SEMA6D: variants seen among roughly 807,000 people sequenced by gnomAD.
The protein encoded by SEMA6D is semaphorin 6D.
In SEMA6D, 35 loss-of-function variants were observed where a neutral mutation model predicts 106.6. That is an observed-to-expected ratio of 0.33 (90% confidence interval 0.25 to 0.44). The LOEUF (loss-of-function observed/expected upper bound fraction) is 0.44, where lower values mean the gene tolerates loss of function less well. Ranked by LOEUF, SEMA6D falls within the 20% of genes least tolerant of loss-of-function variation. SEMA6D has a pLI of 1.00. For synonymous variants in SEMA6D, 499 were observed against 487.7 expected (o/e 1.02, Z -0.31); for missense variants, 1,185 against 1,345.9 (o/e 0.88, Z 1.87).
intron 1 of SEMA6D, among the ~76,000 whole-genome samples, chr15:47,188,350 A>T (rs1220337168): frequency 6.6e-6 from 1 of 152,176 alleles, no homozygotes; most frequent in Non-Finnish European, 1.5e-5. Flanking sequence ...TTTTATTTTA[A>T]TAACCAATAT....
intron 4 of SEMA6D, among the ~76,000 whole-genome samples, chr15:47,622,647 G>C (rs1222104242): frequency 6.6e-6 from 1 of 152,134 alleles, no homozygotes; most frequent in Admixed American, 6.6e-5. Flanking sequence ...AGGGAGAGGG[G>C]GTTGCAGGAC....
At chr15:47,692,742 T>C (rs529132231) in intron 4 of SEMA6D, among the ~76,000 whole-genome samples, 3 of 152,100 alleles carry the variant, frequency 2.0e-5, no homozygotes, top group Non-Finnish European at 4.4e-5. Flanking sequence ...TCACAACAGG[T>C]GCCAGTGACC....
chr15:47,298,332 CT>C (rs920803949), intron 1 of SEMA6D, among the ~76,000 whole-genome samples: 4,210 of 145,400 alleles, frequency 0.029, 138 homozygotes, highest in African/African-American at 0.08. Flanking sequence ...GGTTTGTTGT[CT>C]TTTTTTTTTT....
chr15:47,336,014 A>G (rs144967169), intron 1 of SEMA6D, among the ~76,000 whole-genome samples: 2 of 152,342 alleles, frequency 1.3e-5, no homozygotes, highest in African/African-American at 4.8e-5. Context: ...ATCTGATCTG[A>G]CATTGCCTGA....
chr15:47,247,467 G>A (rs1192570230), intron 1 of SEMA6D, among the ~76,000 whole-genome samples: 1 of 151,972 alleles, frequency 6.6e-6, no homozygotes, highest in East Asian at 1.9e-4. Context: ...TGGCAATCAT[G>A]CTCATAAAAA....
At chr15:47,226,172 A>G (rs1334199251) in intron 1 of SEMA6D, among the ~76,000 whole-genome samples, 1 of 152,104 alleles carries the variant, frequency 6.6e-6, no homozygotes, top group Non-Finnish European at 1.5e-5. Flanking sequence ...TGCATCTTCA[A>G]TTTGAGGAAT....
intron 1 of SEMA6D, among the ~76,000 whole-genome samples, chr15:47,246,389 A>G (rs566959804): frequency 5.0e-4 from 76 of 152,290 alleles, no homozygotes; most frequent in African/African-American, 1.6e-3. Flanking sequence ...CCTACGGTAC[A>G]GGGCTGAAGG....
Position 47,771,527 on chromosome 15 carries a change from G to A in SEMA6D, c.2964G>A (p.Leu988=), listed in dbSNP as rs150649563. The change falls in exon 19 of 19, where the codon TTG becomes TTA. Residue 988 remains leucine (L), a synonymous_variant. Coordinates refer to ENST00000536845, the MANE Select transcript of SEMA6D (RefSeq NM_001358351.3). ...ACTTAAACTCACCAAATGGTGTTTT[G>A]TTATCCAGACAGCCTAGTATGAACC... ...PKNLNSPNGV[L]LSRQPSMNRG... 297 of 1,614,070 alleles carry A rather than the reference G, an allele frequency of 1.8e-4. No individual in the cohort carries two copies. Among genetic ancestry groups the A allele is most frequent in the Admixed American group, 1.1e-3 (67 of 60,016 alleles).
intron 1 of SEMA6D, among the ~76,000 whole-genome samples, chr15:47,355,049 A>G (rs1595808101): frequency 6.6e-6 from 1 of 152,206 alleles, no homozygotes; most frequent in Non-Finnish European, 1.5e-5. Flanking sequence ...TAGTTTTTCC[A>G]TCTGGGGCAC....
At chr15:47,631,012 A>G (rs1384737194) in intron 4 of SEMA6D, among the ~76,000 whole-genome samples, 2 of 151,830 alleles carry the variant, frequency 1.3e-5, no homozygotes, top group African/African-American at 2.4e-5. Flanking sequence ...AATATTTTAT[A>G]GATTTTACAT....
Position 47,471,937 on chromosome 15 carries a change from A to T in SEMA6D, c.-87+1392A>T, listed in dbSNP as rs886417128. On this transcript the variant is annotated intron_variant, in intron 3 of 19. Coordinates refer to the SEMA6D transcript ENST00000558014. ...CTCTCTCTCTCTCTCTCTCTCACAC[A>T]CACACACACACACACACACACACAC... Among the ~76,000 whole-genome samples, 392 of 125,904 alleles carry T rather than the reference A, an allele frequency of 3.1e-3. 2 individuals carry two copies. Among genetic ancestry groups the T allele is most frequent in the African/African-American group, 9.3e-3 (258 of 27,786 alleles). 82.6% of individuals were successfully genotyped at this position (125,904 alleles called of 152,430 possible).
At chr15:47,661,909 C>A (rs1332149807) in intron 4 of SEMA6D, among the ~76,000 whole-genome samples, 1 of 152,170 alleles carries the variant, frequency 6.6e-6, no homozygotes, top group Non-Finnish European at 1.5e-5. Context: ...TTGCACAGAT[C>A]ACTGTTGAAA....
chr15:47,494,032 A>T (rs942101155), intron 3 of SEMA6D, among the ~76,000 whole-genome samples: 1 of 152,152 alleles, frequency 6.6e-6, no homozygotes, highest in Non-Finnish European at 1.5e-5. Context: ...TATGTGTCAC[A>T]TTTTCTTCAA....
intron 4 of SEMA6D, among the ~76,000 whole-genome samples, chr15:47,673,201 G>A (rs1011392661): frequency 1.3e-5 from 2 of 152,108 alleles, no homozygotes; most frequent in Non-Finnish European, 2.9e-5. Context: ...TTATTTGCAA[G>A]AGTAAAATCT....
At chr15:47,495,144 A>G (rs1342776346) in intron 3 of SEMA6D, among the ~76,000 whole-genome samples, 1 of 151,952 alleles carries the variant, frequency 6.6e-6, no homozygotes, top group Non-Finnish European at 1.5e-5. Context: ...TTTGAATAGG[A>G]AAAGAAAAAA....
chr15:47,595,506 C>T (rs1346435145), intron 3 of SEMA6D, among the ~76,000 whole-genome samples: 1 of 152,088 alleles, frequency 6.6e-6, no homozygotes, highest in Non-Finnish European at 1.5e-5. Context: ...AGGATTTTTG[C>T]ATTGATGTTC....
intron 4 of SEMA6D, among the ~76,000 whole-genome samples, chr15:47,668,338 A>G (rs930490518): frequency 2.0e-5 from 3 of 152,204 alleles, no homozygotes; most frequent in Non-Finnish European, 4.4e-5. Context: ...ACATTAAGAC[A>G]AAAAACAGTC....
intron 1 of SEMA6D, among the ~76,000 whole-genome samples, chr15:47,232,404 T>A (rs1450600906): frequency 6.6e-6 from 1 of 151,844 alleles, no homozygotes; most frequent in Non-Finnish European, 1.5e-5. Flanking sequence ...ATGTTGAAAG[T>A]TTTGAGGAAC....
chr15:47,379,114 T>C (rs1407670160), intron 1 of SEMA6D, among the ~76,000 whole-genome samples: 1 of 152,242 alleles, frequency 6.6e-6, no homozygotes, highest in Non-Finnish European at 1.5e-5. Context: ...ATAAAGCCTT[T>C]ATTGACACGG....
Sources: gnomAD v4.1 joint callset for allele counts (sites outside exome capture counted in the v4.1 genomes callset) on GRCh38, gnomAD v4.1.1 for gene constraint, MANE v1.5 for transcripts, NCBI Gene and HGNC (gene_info 2026-07-23, HGNC 2026-07-21) for gene names.